Variants in TVP23A observed in about 807,000 individuals in gnomAD.
The protein encoded by TVP23A is trans-golgi network vesicle protein 23 homolog A, also known as Golgi apparatus membrane protein TVP23 homolog A.
TVP23A carries 21 observed loss-of-function variants against 31.7 expected under a neutral mutation model. The observed-to-expected ratio is 0.66, with a 90% CI of 0.47 to 0.95. The LOEUF is 0.95. Ranked by LOEUF, TVP23A falls within the 40% of genes least tolerant of loss-of-function variation. The pLI, the probability that TVP23A is intolerant of heterozygous loss-of-function variation, is 0.00. For missense variants in TVP23A, 279 were observed against 255.6 expected (o/e 1.09, Z -0.62); for synonymous variants, 104 against 96.0 (o/e 1.08, Z -0.49).
intron 2 of TVP23A, among the ~76,000 whole-genome samples, chr16:10,805,047 T>C (rs1233847578): frequency 3.3e-5 from 5 of 152,120 alleles, no homozygotes; most frequent in African/African-American, 1.2e-4. Flanking sequence ...TCTTTTTCTT[T>C]CTTTTTTTCA....
At chr16:10,787,197 AC>A (rs1161698649) in intron 2 of TVP23A, among the ~76,000 whole-genome samples, 9 of 152,146 alleles carry the variant, frequency 5.9e-5, no homozygotes, top group Admixed American at 3.9e-4. Flanking sequence ...AAAGTACTAA[AC>A]CCTTTTTGAT....
At chr16:10,814,913 G>A (rs1348209494) in intron 2 of TVP23A, among the ~76,000 whole-genome samples, 1 of 152,020 alleles carries the variant, frequency 6.6e-6, no homozygotes, top group Non-Finnish European at 1.5e-5. Context: ...CCACTTCCCA[G>A]CACCTGGGTC....
intron 2 of TVP23A, 118 bp from the exon 3 acceptor site, chr16:10,775,214 C>T (rs749111900): frequency 4.7e-5 from 69 of 1,471,768 alleles, no homozygotes; most frequent in Non-Finnish European, 5.7e-5. Context: ...AATGTTCTCC[C>T]CGGTGCATAT....
intron 2 of TVP23A, among the ~76,000 whole-genome samples, chr16:10,817,452 C>A (rs1567324446): frequency 6.6e-6 from 1 of 152,170 alleles, no homozygotes; most frequent in African/African-American, 2.4e-5. Context: ...CCTGGGCCAT[C>A]GGCAACCACG....
At chr16:10,800,102 A>T (rs1306470659) in intron 2 of TVP23A, among the ~76,000 whole-genome samples, 1 of 138,724 alleles carries the variant, frequency 7.2e-6, no homozygotes, top group Non-Finnish European at 1.6e-5. Context: ...ATTGAAAACA[A>T]TTTTTTTTTT....
At chr16:10,762,518 C>T (rs181055612), downstream of TVP23A, among the ~76,000 whole-genome samples, 1 of 152,218 alleles carries the variant, frequency 6.6e-6, no homozygotes, top group Non-Finnish European at 1.5e-5. Context: ...CGAAGCTGCT[C>T]CCCCAGGAGG....
At chr16:10,783,556 G>A (rs971733021) in intron 2 of TVP23A, among the ~76,000 whole-genome samples, 1 of 152,176 alleles carries the variant, frequency 6.6e-6, no homozygotes, top group African/African-American at 2.4e-5. Context: ...CGTACCTGTA[G>A]TCCCAGCTGC....
At chr16:10,794,029 G>A (rs1387127906) in intron 2 of TVP23A, among the ~76,000 whole-genome samples, 1 of 151,462 alleles carries the variant, frequency 6.6e-6, no homozygotes, top group African/African-American at 2.4e-5. Flanking sequence ...CCAAGGTGAT[G>A]CATTGAATGC....
At chr16:10,770,868 CAAAAAAAAAAAAA>C (rs376701429) in intron 6 of TVP23A, among the ~76,000 whole-genome samples, 2 of 66,460 alleles carry the variant, frequency 3.0e-5, no homozygotes, top group African/African-American at 1.1e-4. Flanking sequence ...ACTCCCATCT[CAAAAAAAAAAAAA>C]AAAAAAAAAA....
downstream of TVP23A, chr16:10,761,860 G>A (rs373364504): frequency 1.2e-6 from 2 of 1,612,332 alleles, no homozygotes; most frequent in African/African-American, 2.7e-5. Flanking sequence ...CCGCTCATAG[G>A]TGGGTGACCC....
intron 2 of TVP23A, among the ~76,000 whole-genome samples, chr16:10,791,748 C>T (rs2033115003): frequency 6.6e-6 from 1 of 152,220 alleles, no homozygotes; most frequent in Admixed American, 6.5e-5. Flanking sequence ...GCTGGGACTA[C>T]AGGCGCGTGC....
At chr16:10,807,659 T>C (rs1325521092) in intron 2 of TVP23A, among the ~76,000 whole-genome samples, 1 of 152,180 alleles carries the variant, frequency 6.6e-6, no homozygotes. Flanking sequence ...ATATCCATAG[T>C]GCCAAGGCTG....
intron 2 of TVP23A, among the ~76,000 whole-genome samples, chr16:10,797,763 T>G (rs575562702): frequency 6.6e-6 from 1 of 152,124 alleles, no homozygotes; most frequent in Admixed American, 6.5e-5. Flanking sequence ...TCAAAATATG[T>G]ATATTTGAAT....
At position 10,818,494 on chromosome 16, in the gene TVP23A, C is replaced by A. The variant is rs778293219; in HGVS notation, c.-1G>T. The A allele has an allele frequency of 5.5e-5, 89 of 1,604,626 alleles. No individual in the cohort carries two copies. Among genetic ancestry groups the A allele is most frequent in the Non-Finnish European group, 7.3e-5 (86 of 1,178,780 alleles). Reference sequence around the variant, plus strand: ...ATCCCCGAGGCCCTACCTGCTTCATCACCCTCCCAGGAGCCCACCTGGCGC... The same window carrying A: ...ATCCCCGAGGCCCTACCTGCTTCATAACCCTCCCAGGAGCCCACCTGGCGC... On this transcript the variant is annotated 5_prime_UTR_variant, in exon 1 of 8. Coordinates refer to ENST00000299866, the MANE Select transcript of TVP23A (RefSeq NM_001079512.4). This position sits in a 1 kb window ranked among gnomAD's most constrained non-coding sequence, Gnocchi z 4.7.
intron 2 of TVP23A, among the ~76,000 whole-genome samples, chr16:10,781,190 A>G (rs1475815021): frequency 6.6e-6 from 1 of 152,068 alleles, no homozygotes. Context: ...TTAGCCTGGG[A>G]TGGTGGCAGA....
downstream of TVP23A, among the ~76,000 whole-genome samples, chr16:10,762,958 C>G (rs1051340757): frequency 6.6e-6 from 1 of 151,376 alleles, no homozygotes; most frequent in East Asian, 1.9e-4. Context: ...ACAGGAGGCT[C>G]AGGAGTGGCT....
intron 6 of TVP23A, among the ~76,000 whole-genome samples, 156 bp from the exon 7 acceptor site, chr16:10,770,487 C>T (rs555876254): frequency 8.6e-5 from 13 of 151,820 alleles, no homozygotes; most frequent in Non-Finnish European, 1.5e-4. Context: ...AAATTTAGGA[C>T]GGTTCTACCC....
intron 2 of TVP23A, among the ~76,000 whole-genome samples, chr16:10,790,265 T>C (rs922421591): frequency 6.6e-6 from 1 of 150,606 alleles, no homozygotes; most frequent in Non-Finnish European, 1.5e-5. Flanking sequence ...CAAAGAAACA[T>C]GTCTTGGGGT....
chr16:10,801,520 G>A (rs1246246218), intron 2 of TVP23A, among the ~76,000 whole-genome samples: 1 of 151,938 alleles, frequency 6.6e-6, no homozygotes, highest in African/African-American at 2.4e-5. Context: ...GCAGTGGCGC[G>A]ATCTCAGCTC....
Sources: gnomAD v4.1 joint callset for allele counts (sites outside exome capture counted in the v4.1 genomes callset) on GRCh38, gnomAD v4.1.1 for gene constraint, Gnocchi (gnomAD v3.1) non-coding constraint, MANE v1.5 for transcripts, NCBI Gene and HGNC (gene_info 2026-07-23, HGNC 2026-07-21) for gene names.